RBMS3: variants seen among roughly 807,000 people sequenced by gnomAD.
The protein encoded by RBMS3 is RNA-binding motif, single-stranded-interacting protein 3.
Under a neutral mutation model 66.8 loss-of-function variants are expected in RBMS3, and 27 were observed. The observed-to-expected ratio is 0.40, with a 90% CI of 0.30 to 0.56. The LOEUF (loss-of-function observed/expected upper bound fraction) is 0.56. RBMS3 is among the 20% of genes least tolerant of loss of function. The pLI is 0.40. For synonymous variants in RBMS3, 188 were observed against 183.0 expected, an observed-to-expected ratio of 1.03 and a Z score of -0.22; for missense variants, 513 against 549.5, an observed-to-expected ratio of 0.93 and a Z score of 0.66.
chr3:29,792,147 T>A (rs1576817112), intron 6 of RBMS3, among the ~76,000 whole-genome samples: 1 of 152,202 alleles, frequency 6.6e-6, no homozygotes, highest in African/African-American at 2.4e-5. Flanking sequence ...ACACTATGAT[T>A]TCTTTTTGTG....
At chr3:29,872,909 A>G (rs1046376629) in intron 7 of RBMS3, among the ~76,000 whole-genome samples, 1 of 152,056 alleles carries the variant, frequency 6.6e-6, no homozygotes, top group Non-Finnish European at 1.5e-5. Flanking sequence ...TAGGTATGCA[A>G]CCTTGTTTCT....
chr3:29,998,809 T>TA (rs1699424461), intron 14 of RBMS3, among the ~76,000 whole-genome samples: 1 of 152,126 alleles, frequency 6.6e-6, no homozygotes, highest in South Asian at 2.1e-4. Context: ...CCTAAAACCA[T>TA]AAAAACTCTA....
intron 4 of RBMS3, among the ~76,000 whole-genome samples, chr3:29,597,944 G>A (rs941162067): frequency 6.6e-6 from 1 of 152,016 alleles, no homozygotes. Context: ...ACTGAACAAA[G>A]TTGCTTGATG....
chr3:29,282,216 G>A (rs917517151), intron 1 of RBMS3, among the ~76,000 whole-genome samples: 3 of 152,052 alleles, frequency 2.0e-5, no homozygotes, highest in Non-Finnish European at 2.9e-5. Flanking sequence ...TTTAATCGCA[G>A]GGTATAGAAT....
In RBMS3 at chr3:29,915,159, A is replaced by G. The variant is rs550495883; in HGVS notation, c.939+15404A>G. 3.3e-5 allele frequency among the ~76,000 whole-genome samples: 5 copies of G among 151,906 alleles called. No homozygotes were observed. In the East Asian group the frequency reaches 9.7e-4, roughly 29 times the overall value. On this transcript the variant is annotated intron_variant, in intron 10 of 14. Coordinates refer to ENST00000383767, the MANE Select transcript of RBMS3 (RefSeq NM_001003793.3). Reference sequence around the variant, plus strand: ...GCTTTTAGAATAGAGTGTTCCTAAAAAAAAAAAAATCCATTTCTTTTACTT... The same window carrying G: ...GCTTTTAGAATAGAGTGTTCCTAAAGAAAAAAAAATCCATTTCTTTTACTT...
intron 2 of RBMS3, among the ~76,000 whole-genome samples, chr3:29,482,701 C>CTTTTTTTTTTTTTTTTTTTTTTTTT (rs755520785): frequency 1.5e-4 from 12 of 77,504 alleles, no homozygotes; most frequent in Admixed American, 5.8e-4. Context: ...TTCTTTCTTT[C>CTTTTTTTTTTTTTTTTTTTTTTTTT]TTTTTTTTTT....
chr3:29,901,800 G>A (rs572490553), intron 10 of RBMS3, among the ~76,000 whole-genome samples: 2 of 151,832 alleles, frequency 1.3e-5, no homozygotes, highest in Admixed American at 6.6e-5. Flanking sequence ...TGGATTCCTG[G>A]AAAAATAGAA....
intron 10 of RBMS3, among the ~76,000 whole-genome samples, chr3:29,935,853 G>A (rs1289834978): frequency 6.6e-6 from 1 of 152,000 alleles, no homozygotes; most frequent in Non-Finnish European, 1.5e-5. Context: ...ACATATTTTA[G>A]ACACATCACA....
At chr3:29,627,790 G>A (rs149017820) in intron 4 of RBMS3, among the ~76,000 whole-genome samples, 2 of 152,146 alleles carry the variant, frequency 1.3e-5, no homozygotes, top group Non-Finnish European at 2.9e-5. Flanking sequence ...AGAAGAGAGG[G>A]AGAGAAGGAG....
At chr3:29,530,055 A>G (rs948590280) in intron 3 of RBMS3, among the ~76,000 whole-genome samples, 2 of 152,088 alleles carry the variant, frequency 1.3e-5, no homozygotes, top group African/African-American at 4.8e-5. Flanking sequence ...TGAGATTTGC[A>G]TTCCCTCTGC....
At chr3:29,891,181 C>T (rs977310615) in intron 8 of RBMS3, among the ~76,000 whole-genome samples, 1 of 151,480 alleles carries the variant, frequency 6.6e-6, no homozygotes, top group Non-Finnish European at 1.5e-5. Context: ...AATACAGAAA[C>T]ATGACACTGA....
At position 29,458,352 on chromosome 3, in the gene RBMS3, A is replaced by G. The variant is rs116657641; in HGVS notation, c.248+23437A>G. 2.9e-3 allele frequency among the ~76,000 whole-genome samples: 445 copies of G among 152,182 alleles called. 3 individuals are homozygous for G. Among genetic ancestry groups the G allele is most frequent in the Non-Finnish European group, 5.1e-3 (345 of 67,990 alleles). On this transcript the variant is annotated intron_variant, in intron 2 of 14. Transcript: ENST00000383767. ...GTTAATACTCAGATGGTTCGTAATGACTCATGGTTTATTCTTTAAATTAGA... is the reference window on the plus strand; with the variant it reads ...GTTAATACTCAGATGGTTCGTAATGGCTCATGGTTTATTCTTTAAATTAGA...
At chr3:29,733,387 G>A (rs1185664714) in intron 4 of RBMS3, among the ~76,000 whole-genome samples, 1 of 150,804 alleles carries the variant, frequency 6.6e-6, no homozygotes, top group African/African-American at 2.4e-5. Flanking sequence ...TGGATACTTA[G>A]TAATGGGATT....
At chr3:29,926,812 G>A (rs1470317699) in intron 10 of RBMS3, 1 of 152,178 alleles carries the variant, frequency 6.6e-6, no homozygotes, top group Non-Finnish European at 1.5e-5. Context: ...ACTTCTGTAA[G>A]TTGAAAATGT....
intron 13 of RBMS3, among the ~76,000 whole-genome samples, chr3:29,989,390 T>G (rs576926420): frequency 6.6e-6 from 1 of 152,268 alleles, no homozygotes; most frequent in South Asian, 2.1e-4. Flanking sequence ...TTCTTTCCCC[T>G]CTCCTGATGC....
Position 29,434,778 on chromosome 3 carries a change from T to C in RBMS3, c.111T>C (p.Pro37=), listed in dbSNP as rs1259682247. Residue 37 remains proline (P), a synonymous_variant, in exon 2 of 15, where the codon CCT becomes CCC. Coordinates refer to ENST00000383767, the MANE Select transcript of RBMS3 (RefSeq NM_001003793.3). ...CACCAGCTCCCCACCCCATGGCTCCTCCCAGCCCCAGCACAAACAGCAGCA... is the reference window on the plus strand; with the variant it reads ...CACCAGCTCCCCACCCCATGGCTCCCCCCAGCCCCAGCACAAACAGCAGCA... ...SYAPAPHPMA[P]PSPSTNSSSN... is the part of the protein sequence containing the mutation. The C allele has an allele frequency of 6.2e-7, 1 of 1,613,868 alleles. No individual in the cohort carries two copies. The highest frequency in any genetic ancestry group is 2.2e-5 in the East Asian group (1 of 44,880).
intron 6 of RBMS3, among the ~76,000 whole-genome samples, chr3:29,796,007 C>G (rs1010660589): frequency 4.6e-5 from 7 of 152,196 alleles, no homozygotes; most frequent in Admixed American, 3.9e-4. Flanking sequence ...CAAAGGATGA[C>G]CAGTGTATAA....
At chr3:29,618,687 T>C (rs990552380) in intron 4 of RBMS3, among the ~76,000 whole-genome samples, 5 of 152,156 alleles carry the variant, frequency 3.3e-5, no homozygotes, top group African/African-American at 1.2e-4. Flanking sequence ...TTTTCCCTTG[T>C]GATCCATAAT....
intron 14 of RBMS3, among the ~76,000 whole-genome samples, chr3:29,996,643 C>T (rs1454637543): frequency 6.6e-6 from 1 of 151,376 alleles, no homozygotes; most frequent in East Asian, 1.9e-4. Context: ...TACATGGAAA[C>T]TGAACAACCT....
Sources: gnomAD v4.1 joint callset for allele counts (sites outside exome capture counted in the v4.1 genomes callset) on GRCh38, gnomAD v4.1.1 for gene constraint, MANE v1.5 for transcripts, NCBI Gene and HGNC (gene_info 2026-07-23, HGNC 2026-07-21) for gene names.